Variants in CARS1 observed in about 807,000 individuals in gnomAD.
CARS1 encodes the protein cysteinyl-tRNA synthetase 1, also known as cysteine--tRNA ligase, cytoplasmic.
A neutral mutation model predicts 106.2 loss-of-function variants in CARS1; 48 were observed. The observed-to-expected ratio is 0.45, with a 90% CI of 0.36 to 0.57. The LOEUF is 0.57. Among genes scored for constraint, CARS1 ranks in the 20% least tolerant of loss-of-function variants. The pLI is 0.00. For synonymous variants in CARS1, 409 were observed against 403.4 expected (o/e 1.01, Z -0.17); for missense variants, 968 against 1,057.2 (o/e 0.92, Z 1.17).
rs1162212389 is a variant in CARS1, at chr11:3,020,953, G to A, written c.1154-621C>T. Among the ~76,000 whole-genome samples, 2 of 152,218 alleles carry A rather than the reference G, an allele frequency of 1.3e-5. No individual in the cohort carries two copies. Among genetic ancestry groups the A allele is most frequent in the Middle Eastern group, 3.2e-3 (1 of 316 alleles). On this transcript the variant is annotated intron_variant, in intron 10 of 22. Coordinates refer to ENST00000380525, the MANE Select transcript of CARS1 (RefSeq NM_001014437.3). The surrounding 1 kb of genome is among the most constrained non-coding windows in gnomAD (Gnocchi z 4.6). Reference sequence around the variant, plus strand: ...CCAGGAAGGCCATAAGAAAAGGGGAGTACTGCTCTTGGCACAAGTTCTATT... The same window carrying A: ...CCAGGAAGGCCATAAGAAAAGGGGAATACTGCTCTTGGCACAAGTTCTATT...
intron 7 of CARS1, among the ~76,000 whole-genome samples, chr11:3,031,889 C>T (rs563947623): frequency 3.0e-4 from 45 of 152,322 alleles, no homozygotes; most frequent in Admixed American, 9.2e-4. Context: ...CCAGGCCTCA[C>T]AGTGAATATT....
At chr11:3,013,881 C>T (rs1850739991) in intron 17 of CARS1, among the ~76,000 whole-genome samples, 1 of 152,120 alleles carries the variant, frequency 6.6e-6, no homozygotes, top group Admixed American at 6.5e-5. Flanking sequence ...ATATCCATAA[C>T]TGAATAATAG....
chr11:3,014,012 T>C (rs1369682396), intron 17 of CARS1, among the ~76,000 whole-genome samples: 1 of 151,992 alleles, frequency 6.6e-6, no homozygotes, highest in East Asian at 1.9e-4. Context: ...AGCCCTTAAG[T>C]CTAAGCCAAG....
rs777915130 is a variant in CARS1, at chr11:3,042,166, T to C, written c.365A>G (p.Lys122Arg). The change falls in exon 3 of 23, where the codon AAG (lysine) becomes AGG (arginine). Residue 122 changes from lysine to arginine, a missense_variant and splice_region_variant. By Grantham distance (26) the Lys-to-Arg change is conservative (BLOSUM62 2). Transcript: ENST00000380525. ...CCACGGCATCTGTGTTCTCCTTACC[T>C]TGTTCCTGGTGAGGCTGTTGTAAAG... ...LHLYNSLTRN[K>R]EVFIPQDGKK... The C allele has an allele frequency of 1.2e-6, 2 of 1,612,850 alleles. No homozygotes were observed. The highest frequency in any genetic ancestry group is 1.7e-6 in the Non-Finnish European group (2 of 1,179,064).
intron 7 of CARS1, among the ~76,000 whole-genome samples, chr11:3,035,700 G>A (rs985409798): frequency 1.3e-5 from 2 of 152,150 alleles, no homozygotes; most frequent in Non-Finnish European, 2.9e-5. Flanking sequence ...TGCCTAGGCT[G>A]GTCTGGAGCT....
chr11:3,016,502 C>T (rs7103117), intron 16 of CARS1, among the ~76,000 whole-genome samples: 139,532 of 152,170 alleles, frequency 0.92, 64,041 homozygotes, highest in African/African-American at 0.95. Context: ...GGATTACAGG[C>T]GTGAGCCACA....
chr11:3,013,093 T>C (rs1371838103), intron 17 of CARS1, among the ~76,000 whole-genome samples: 5 of 151,678 alleles, frequency 3.3e-5, no homozygotes, highest in African/African-American at 9.7e-5. Flanking sequence ...TTTCACCTTG[T>C]TGGCCAGGAT....
Position 3,040,918 on chromosome 11 carries a change from C to A in CARS1, c.433G>T (p.Ala145Ser), listed in dbSNP as rs1396843622. The change falls in exon 4 of 23, where the codon GCA becomes TCA. Residue 145 changes from alanine (A) to serine (S), a missense_variant. By Grantham distance (99) the Ala-to-Ser change is moderately conservative (BLOSUM62 1). Transcript: ENST00000380525. This position sits in a 1 kb window ranked among gnomAD's most constrained non-coding sequence, Gnocchi z 5.8. The part of the protein sequence containing the change: ...WYCCGPTVYD[A>S]SHMGHARSYI... ...TACCTGGCGTGCCCCATGTGAGATG[C>A]GTCATAGACGGTTGGCCCACAGCAA... 1 of 1,613,976 alleles carries A rather than the reference C, an allele frequency of 6.2e-7. No individual in the cohort carries two copies. Among genetic ancestry groups the A allele is most frequent in the East Asian group, 2.2e-5 (1 of 44,872 alleles).
rs1852476664 is a variant in CARS1, at chr11:3,029,460, A to T, written c.802-17T>A. On this transcript the variant is annotated splice_polypyrimidine_tract_variant and intron_variant, in intron 7 of 22. Coordinates refer to ENST00000380525, the MANE Select transcript of CARS1 (RefSeq NM_001014437.3). This position sits in a 1 kb window ranked among gnomAD's most constrained non-coding sequence, Gnocchi z 5.9. ...CAGCAACACCTGAAGAGAAAGAAAC[A>T]AAAATCCAGCAGCGGGCCACACACT... 1.2e-6 allele frequency: 2 copies of T among 1,612,392 alleles called. No individual in the cohort carries two copies. Among genetic ancestry groups the T allele is most frequent in the East Asian group, 4.5e-5 (2 of 44,866 alleles).
chr11:3,016,396 ATT>A (rs763415577), intron 16 of CARS1, among the ~76,000 whole-genome samples: 2 of 150,732 alleles, frequency 1.3e-5, no homozygotes, highest in African/African-American at 2.4e-5. Context: ...AGTTTTTTGT[ATT>A]TTTTTTAGTA....
chr11:3,005,192 A>G (rs1343147853), intron 20 of CARS1, among the ~76,000 whole-genome samples, 174 bp downstream of exon 20: 1 of 151,874 alleles, frequency 6.6e-6, no homozygotes, highest in East Asian at 1.9e-4. Context: ...TAATCTTTTT[A>G]AAAGAGGTCC....
chr11:3,006,820 C>T (rs974131633), intron 19 of CARS1, 59 bp downstream of exon 19: 2 of 1,367,412 alleles, frequency 1.5e-6, no homozygotes, highest in Non-Finnish European at 2.1e-6. Flanking sequence ...GGGAGCTCTC[C>T]TTGTGACACC....
At position 3,040,665 on chromosome 11, in the gene CARS1, AT is replaced by A; in HGVS notation, c.455+230del. 2 of 687,536 alleles carry A rather than the reference AT, an allele frequency of 2.9e-6. No individual in the cohort carries two copies. Among genetic ancestry groups the A allele is most frequent in the Non-Finnish European group, 5.3e-6 (2 of 378,268 alleles). The allele number at this position is 687,536 out of a possible 1,614,324, so 42.6% of individuals were successfully genotyped here. A position where few individuals can be genotyped will look rare whatever the true frequency, so the allele number is the denominator to read the frequency against. ...GCATGTTAGCAGTGGGGCTATGGAC[AT>A]TTTCTTTTTGGTGATCTGTAGTCTT... On this transcript the variant is annotated intron_variant, in intron 4 of 22. Coordinates refer to ENST00000380525, the MANE Select transcript of CARS1 (RefSeq NM_001014437.3). This position sits in a 1 kb window ranked among gnomAD's most constrained non-coding sequence, Gnocchi z 5.8.
In CARS1 at chr11:3,038,392, T is replaced by G. The variant is rs1853967727; in HGVS notation, c.652-193A>C. On this transcript the variant is annotated intron_variant, in intron 6 of 22. Coordinates refer to ENST00000380525, the MANE Select transcript of CARS1 (RefSeq NM_001014437.3). The surrounding 1 kb of genome is among the most constrained non-coding windows in gnomAD (Gnocchi z 4.0). ...CTCCCGGCTCAGGAGCTCCTGGTTCTGCCCTCTCACGTGTGACCCTGGACA... is the reference window on the plus strand; with the variant it reads ...CTCCCGGCTCAGGAGCTCCTGGTTCGGCCCTCTCACGTGTGACCCTGGACA... Among the ~76,000 whole-genome samples the G allele has an allele frequency of 6.6e-6, 1 of 152,236 alleles. No individual in the cohort carries two copies. Among genetic ancestry groups the G allele is most frequent in the South Asian group, 2.1e-4 (1 of 4,832 alleles).
At chr11:3,014,440 T>C (rs1038880785) in intron 17 of CARS1, among the ~76,000 whole-genome samples, 2 of 152,218 alleles carry the variant, frequency 1.3e-5, no homozygotes, top group Admixed American at 1.3e-4. Context: ...ATCAGCTGAC[T>C]GCAAAGGCCA....
intron 1 of CARS1, among the ~76,000 whole-genome samples, chr11:3,054,165 C>T (rs901327567): frequency 2.6e-5 from 4 of 152,214 alleles, no homozygotes; most frequent in African/African-American, 9.7e-5. Context: ...AGGGCTTCCC[C>T]TCCCACTCCC....
intron 18 of CARS1, chr11:3,007,302 G>A: frequency 2.7e-6 from 1 of 369,482 alleles, no homozygotes; most frequent in Non-Finnish European, 5.0e-6. Flanking sequence ...CGACAGCAGG[G>A]GTGGGAGGGT....
At chr11:3,055,020 T>G (rs767919990) in intron 1 of CARS1, 6 of 700,758 alleles carry the variant, frequency 8.6e-6, no homozygotes, top group Middle Eastern at 4.6e-4. Context: ...CTATGCACCT[T>G]CAAGACCGCA....
chr11:3,026,456 T>A (rs1852086800), intron 10 of CARS1, among the ~76,000 whole-genome samples: 1 of 152,110 alleles, frequency 6.6e-6, no homozygotes. Flanking sequence ...CCCCATAAAT[T>A]GCATAATTAT....
Sources: allele counts gnomAD v4.1 joint callset (sites outside exome capture counted in the v4.1 genomes callset), GRCh38; gene constraint gnomAD v4.1.1; non-coding constraint Gnocchi (gnomAD v3.1); transcripts MANE v1.5; gene names NCBI Gene and HGNC (gene_info 2026-07-23, HGNC 2026-07-21).